NUP155: variants seen among roughly 807,000 people sequenced by gnomAD.
NUP155 encodes nucleoporin 155, also known as nuclear pore complex protein Nup155.
A neutral mutation model predicts 180.4 loss-of-function variants in NUP155; 71 were observed. The observed-to-expected ratio is 0.39, with a 90% CI of 0.33 to 0.48. The LOEUF (loss-of-function observed/expected upper bound fraction) is 0.48. Ranked by LOEUF, NUP155 falls within the 20% of genes least tolerant of loss-of-function variation. NUP155 has a pLI of 0.91. For missense variants in NUP155, 1,553 were observed against 1,648.9 expected (o/e 0.94, Z 1.01); for synonymous variants, 582 against 559.5 (o/e 1.04, Z -0.57).
intron 3 of NUP155, among the ~76,000 whole-genome samples, chr5:37,360,785 AAG>A (rs1491295416): frequency 6.4e-5 from 9 of 141,160 alleles, no homozygotes; most frequent in Non-Finnish European, 1.4e-4. Context: ...GATAAAAAAA[AAG>A]GGGGGGGGGT....
At chr5:37,358,286 C>T (rs1429851085) in intron 3 of NUP155, 135 bp from the exon 4 acceptor site, 1 of 709,118 alleles carries the variant, frequency 1.4e-6, no homozygotes, top group Non-Finnish European at 2.6e-6. Context: ...CAAGACCAGC[C>T]TGGGCAACAT....
chr5:37,304,771 T>C lies in NUP155; in HGVS notation c.3130A>G (p.Ile1044Val). 2 of 1,613,570 alleles carry C rather than the reference T, an allele frequency of 1.2e-6. No individual in the cohort carries two copies. Among genetic ancestry groups the C allele is most frequent in the Non-Finnish European group, 1.7e-6 (2 of 1,179,534 alleles). The stretch of plus-strand genomic sequence containing the variant: ...AGCTTATCTGCAAGGTCGACTTGTA[T>C]TAGCCAATTATAAAGGGCAATACTA... ...LFSIALYNWLIQVDLADKLLQ... is the reference protein window; with the variant it reads ...LFSIALYNWLVQVDLADKLLQ... The change falls in exon 27 of 35, where the codon ATA (isoleucine) becomes GTA (valine). Residue 1044 changes from isoleucine to valine, a missense_variant. Coordinates refer to ENST00000231498, the MANE Select transcript of NUP155 (RefSeq NM_153485.3).
chr5:37,313,473 ATG>A (rs34904169), intron 22 of NUP155, among the ~76,000 whole-genome samples: 11,139 of 143,332 alleles, frequency 0.078, 1,283 homozygotes, highest in African/African-American at 0.25. Context: ...AGTGGTGTAT[ATG>A]TGTGTGTGTG....
At chr5:37,344,301 C>T (rs1379110054) in intron 9 of NUP155, among the ~76,000 whole-genome samples, 1 of 146,088 alleles carries the variant, frequency 6.8e-6, no homozygotes, top group Admixed American at 6.9e-5. Context: ...AAGATAGCAC[C>T]ATGGCACTCC....
At chr5:37,351,164 A>G in intron 6 of NUP155, 26 bp downstream of exon 6, 7 of 1,606,232 alleles carry the variant, frequency 4.4e-6, no homozygotes, top group Non-Finnish European at 6.0e-6. Context: ...GAGAGAAAAA[A>G]AAACGTTTAC....
At chr5:37,364,168 T>C in intron 2 of NUP155, 79 bp downstream of exon 2, 5 of 1,272,176 alleles carry the variant, frequency 3.9e-6, no homozygotes, top group Non-Finnish European at 5.6e-6. Context: ...AACACATTAA[T>C]TAAACATAGA....
chr5:37,292,797 T>G, intron 34 of NUP155, 82 bp downstream of exon 34: 1 of 833,550 alleles, frequency 1.2e-6, no homozygotes, highest in Admixed American at 1.8e-5. Context: ...AATCTTCCCA[T>G]CTTCTCTTCA....
chr5:37,336,622 A>G (rs1378114481), intron 12 of NUP155, among the ~76,000 whole-genome samples: 1 of 152,132 alleles, frequency 6.6e-6, no homozygotes, highest in African/African-American at 2.4e-5. Flanking sequence ...CCCCCAACAC[A>G]GCATCCCAAC....
intron 21 of NUP155, among the ~76,000 whole-genome samples, chr5:37,315,528 C>G (rs1743828970): frequency 6.7e-6 from 1 of 149,008 alleles, no homozygotes; most frequent in South Asian, 2.1e-4. Flanking sequence ...AAATCAAAAT[C>G]CCAATGAGAT....
At chr5:37,330,187 T>G in intron 14 of NUP155, 55 bp from the exon 15 acceptor site, 2 of 1,214,542 alleles carry the variant, frequency 1.6e-6, no homozygotes, top group Non-Finnish European at 2.4e-6. Flanking sequence ...TAAAATGATT[T>G]GTGTACTGCT....
Position 37,331,561 on chromosome 5 carries a change from C to T in NUP155, c.1629+124G>A, listed in dbSNP as rs217791. On this transcript the variant is annotated intron_variant, in intron 14 of 34. Coordinates refer to ENST00000231498, the MANE Select transcript of NUP155 (RefSeq NM_153485.3). Reference sequence around the variant, plus strand: ...TGCACTCCTGCCTGGGCAACAAGAGCGAAACTCCATCTCAAAATATATATA... The same window carrying T: ...TGCACTCCTGCCTGGGCAACAAGAGTGAAACTCCATCTCAAAATATATATA... 0.011 allele frequency: 5,467 copies of T among 483,374 alleles called. 264 individuals are homozygous for T. Among genetic ancestry groups the T allele is most frequent in the African/African-American group, 0.099 (4,950 of 50,050 alleles). The allele number at this position is 483,374 out of a possible 1,614,324, so 29.9% of individuals were successfully genotyped here.
intron 29 of NUP155, among the ~76,000 whole-genome samples, chr5:37,301,938 C>T (rs1035519791): frequency 6.6e-6 from 1 of 152,202 alleles, no homozygotes; most frequent in East Asian, 1.9e-4. Context: ...TTTCCTTCCA[C>T]CCTCTGCTGA....
At chr5:37,347,620 C>T (rs569646496) in intron 9 of NUP155, among the ~76,000 whole-genome samples, 8 of 149,568 alleles carry the variant, frequency 5.3e-5, no homozygotes, top group African/African-American at 7.4e-5. Flanking sequence ...CACTTGAACC[C>T]GGGAGACAGA....
intron 9 of NUP155, among the ~76,000 whole-genome samples, chr5:37,345,391 T>C (rs1746011166): frequency 6.6e-6 from 1 of 150,826 alleles, no homozygotes; most frequent in South Asian, 2.1e-4. Flanking sequence ...GTCTGTGGTC[T>C]CAGCTACTCA....
chr5:37,301,397 T>C, intron 30 of NUP155, 40 bp downstream of exon 30: 1 of 1,336,996 alleles, frequency 7.5e-7, no homozygotes, highest in East Asian at 2.3e-5. Flanking sequence ...TTCTCATTAT[T>C]AGGTAACTAC....
intron 4 of NUP155, among the ~76,000 whole-genome samples, chr5:37,353,748 T>C (rs1267753646): frequency 1.3e-5 from 2 of 152,144 alleles, no homozygotes; most frequent in Non-Finnish European, 2.9e-5. Context: ...AGTCAAATTC[T>C]TACAGACAAA....
chr5:37,295,116 A>ACTG (rs1742455129), intron 32 of NUP155, among the ~76,000 whole-genome samples: 2 of 152,004 alleles, frequency 1.3e-5, no homozygotes, highest in East Asian at 3.9e-4. Flanking sequence ...GCTGGACTGT[A>ACTG]CTGCTATCTC....
At chr5:37,317,909 A>G (rs979136330) in intron 21 of NUP155, 79 bp downstream of exon 21, 30 of 834,092 alleles carry the variant, frequency 3.6e-5, no homozygotes, top group Non-Finnish European at 6.2e-5. Flanking sequence ...TCTTACTAAG[A>G]AAGTCCATTG....
chr5:37,294,923 A>G (rs1346941862), intron 32 of NUP155, among the ~76,000 whole-genome samples: 1 of 152,112 alleles, frequency 6.6e-6, no homozygotes, highest in Non-Finnish European at 1.5e-5. Context: ...AAAATTACAG[A>G]ACCTAGAAAA....
Sources: gnomAD v4.1 joint callset for allele counts (sites outside exome capture counted in the v4.1 genomes callset) on GRCh38, gnomAD v4.1.1 for gene constraint, MANE v1.5 for transcripts, NCBI Gene and HGNC (gene_info 2026-07-23, HGNC 2026-07-21) for gene names.